Variants in CARD19 observed in about 807,000 individuals in gnomAD.
CARD19 encodes caspase recruitment domain-containing protein 19.
CARD19 carries 25 observed loss-of-function variants against 24.1 expected under a neutral mutation model. The ratio of observed to expected loss-of-function variants is 1.04; its 90% CI spans 0.76 to 1.45. The LOEUF (loss-of-function observed/expected upper bound fraction) is 1.45. Among genes scored for constraint, CARD19 ranks in the 40% most tolerant of loss-of-function variants. The pLI, the probability that CARD19 is intolerant of heterozygous loss-of-function variation, is 0.00. For missense variants in CARD19, 241 were observed against 247.4 expected (o/e 0.97, Z 0.17); for synonymous variants, 103 against 104.9 (o/e 0.98, Z 0.11).
At chr9:93,109,485 C>A (rs200767149) in intron 2 of CARD19, among the ~76,000 whole-genome samples, 3 of 106,028 alleles carry the variant, frequency 2.8e-5, no homozygotes, top group Admixed American at 9.6e-5. Flanking sequence ...TTTTTTTTTT[C>A]TTTGAGATGG....
chr9:93,100,872 G>T (rs943036658), intron 1 of CARD19, among the ~76,000 whole-genome samples: 1 of 152,108 alleles, frequency 6.6e-6, no homozygotes, highest in Non-Finnish European at 1.5e-5. Context: ...TTCAAGGTTC[G>T]TCCATGTTGT....
chr9:93,111,750 C>G lies in CARD19; in HGVS notation c.305-129C>G, dbSNP rs1827493753. 3 of 1,495,060 alleles carry G rather than the reference C, an allele frequency of 2.0e-6. No individual in the cohort carries two copies. The East Asian group carries it at 7.4e-5, about 37-fold the overall frequency. 92.6% of individuals were successfully genotyped at this position (1,495,060 alleles called of 1,614,324 possible). A position where few individuals can be genotyped will look rare whatever the true frequency, so the allele number is the denominator to read the frequency against. ...ATAGTTCCCTGAGGAGGGCTAGCCT[C>G]AGGTGCCACAGCCTGGTTCGGCCTG... On this transcript the variant is annotated intron_variant, in intron 3 of 5. Coordinates refer to ENST00000375464, the MANE Select transcript of CARD19 (RefSeq NM_032310.5).
chr9:93,106,153 T>G (rs930621141), intron 1 of CARD19, among the ~76,000 whole-genome samples: 2 of 152,168 alleles, frequency 1.3e-5, no homozygotes, highest in Non-Finnish European at 2.9e-5. Context: ...TGTTTACTAT[T>G]TGTATGGGTT....
intron 1 of CARD19, among the ~76,000 whole-genome samples, chr9:93,100,312 TG>T (rs1827030908): frequency 6.6e-6 from 1 of 152,196 alleles, no homozygotes; most frequent in Non-Finnish European, 1.5e-5. Context: ...TTTTTGTTTT[TG>T]TTTTTGGTTT....
intron 1 of CARD19, among the ~76,000 whole-genome samples, chr9:93,099,406 G>A (rs973921624): frequency 6.6e-6 from 1 of 152,212 alleles, no homozygotes; most frequent in Admixed American, 6.5e-5. Context: ...CAACATGGCT[G>A]TGCCTGGGCC....
chr9:93,111,645 A>G, intron 3 of CARD19: 1 of 1,377,858 alleles, frequency 7.3e-7, no homozygotes, highest in Non-Finnish European at 9.4e-7. Flanking sequence ...GCCCCACTGG[A>G]GGTAGAGCAC....
chr9:93,101,783 GT>G (rs1294261613), intron 1 of CARD19, among the ~76,000 whole-genome samples: 1 of 151,806 alleles, frequency 6.6e-6, no homozygotes, highest in Admixed American at 6.6e-5. Context: ...CTGCCATACT[GT>G]TTTTTTCCAC....
At position 93,096,619 on chromosome 9, in the gene CARD19, G is replaced by A. The variant is rs1336634853; in HGVS notation, c.7+267G>A. ...CCAGGTGCGGGGCCCGAAGAGGGCG[G>A]GGGCTACAAGGCAGCTCCAGGGTGG... On this transcript the variant is annotated intron_variant, in intron 1 of 5. Coordinates refer to ENST00000375464, the MANE Select transcript of CARD19 (RefSeq NM_032310.5). The surrounding 1 kb of genome is among the most constrained non-coding windows in gnomAD (Gnocchi z 5.4). 6.6e-6 allele frequency among the ~76,000 whole-genome samples: 1 copy of A among 152,238 alleles called. No homozygotes were observed. Among genetic ancestry groups the A allele is most frequent in the Non-Finnish European group, 1.5e-5 (1 of 68,042 alleles).
chr9:93,102,772 CATCGA>C (rs1257547363), intron 1 of CARD19, among the ~76,000 whole-genome samples: 3 of 151,846 alleles, frequency 2.0e-5, no homozygotes, highest in Non-Finnish European at 4.4e-5. Flanking sequence ...ATAGGGATTG[CATCGA>C]ATCTGTAGAT....
intron 1 of CARD19, among the ~76,000 whole-genome samples, chr9:93,105,408 G>C (rs1181885039): frequency 6.6e-6 from 1 of 152,102 alleles, no homozygotes; most frequent in Admixed American, 6.6e-5. Context: ...AGCCTCCCAG[G>C]TAGCTGGGAT....
chr9:93,110,678 T>C lies in CARD19; in HGVS notation c.261T>C (p.His87=). Residue 87 remains histidine, a synonymous_variant, in exon 3 of 6, where the codon CAT becomes CAC. Coordinates refer to ENST00000375464, the MANE Select transcript of CARD19 (RefSeq NM_032310.5). ...AGTTCTACCGAGCCCTGTATATCCA[T>C]GCCCAGCCCCTGCACAGCCGCCTGC... The part of the protein sequence containing the change: ...CQEFYRALYI[H]AQPLHSRLPS... 1.2e-6 allele frequency: 2 copies of C among 1,613,270 alleles called. No homozygotes were observed. Among genetic ancestry groups the C allele is most frequent in the Non-Finnish European group, 1.7e-6 (2 of 1,179,996 alleles).
intron 1 of CARD19, among the ~76,000 whole-genome samples, chr9:93,100,871 C>T (rs952973575): frequency 6.6e-6 from 1 of 152,184 alleles, no homozygotes; most frequent in South Asian, 2.1e-4. Flanking sequence ...TTTCAAGGTT[C>T]GTCCATGTTG....
At chr9:93,097,760 T>A (rs1429586683) in intron 1 of CARD19, among the ~76,000 whole-genome samples, 3 of 152,160 alleles carry the variant, frequency 2.0e-5, no homozygotes, top group Non-Finnish European at 4.4e-5. Flanking sequence ...CTTCCTTGCA[T>A]AAGGGGACCC....
chr9:93,105,906 G>A (rs986248797), intron 1 of CARD19, among the ~76,000 whole-genome samples: 1 of 152,206 alleles, frequency 6.6e-6, no homozygotes. Context: ...TGAAAGTGGT[G>A]TTTTGAAGTC....
intron 1 of CARD19, among the ~76,000 whole-genome samples, chr9:93,099,342 G>A (rs960400396): frequency 2.0e-5 from 3 of 152,200 alleles, no homozygotes; most frequent in African/African-American, 4.8e-5. Context: ...TGATTACAGT[G>A]AATTTCCATG....
rs1827410959 is a variant in CARD19, at chr9:93,110,221, T to C, written c.151-347T>C. The stretch of plus-strand genomic sequence containing the variant: ...CGTATTAGCCAGGATGGTCTCGATC[T>C]CCTGACCTCGTGATCTGCCTGCCTC... On this transcript the variant is annotated intron_variant, in intron 2 of 5. Transcript: ENST00000375464. The C allele has an allele frequency of 2.0e-5, 5 of 244,950 alleles. No homozygotes were observed. In the Admixed American group the frequency reaches 2.5e-4, roughly 12 times the overall value. The allele number at this position is 244,950 out of a possible 1,614,324, so 15.2% of individuals were successfully genotyped here. A position where few individuals can be genotyped will look rare whatever the true frequency, so the allele number is the denominator to read the frequency against.
rs1414909550 is a variant in CARD19, at chr9:93,101,017, G to A, written c.7+4665G>A. 3.3e-5 allele frequency among the ~76,000 whole-genome samples: 5 copies of A among 152,092 alleles called. No homozygotes were observed. In the East Asian group the frequency reaches 9.6e-4, roughly 29 times the overall value. ...ACTATTTCCATCTTTTGGCTATTTT[G>A]AATAGTGCTGCTATGAAAACCAGTG... is the stretch of plus-strand genomic sequence containing the variant. On this transcript the variant is annotated intron_variant, in intron 1 of 5. Transcript: ENST00000375464.
Position 93,113,155 on chromosome 9 carries a change from C to A in CARD19, c.*48C>A. On this transcript the variant is annotated 3_prime_UTR_variant, in exon 6 of 6. Transcript: ENST00000375464. ...ACCTGCCACTCAACCAAAGAGTCCT[C>A]GAGCCGGCCCGCCAAGGGGACTGCT... The A allele has an allele frequency of 1.6e-6, 2 of 1,227,292 alleles. No homozygotes were observed. Among genetic ancestry groups the A allele is most frequent in the South Asian group, 1.4e-5 (1 of 70,798 alleles). 76.0% of individuals were successfully genotyped at this position (1,227,292 alleles called of 1,614,324 possible).
chr9:93,101,372 C>G (rs144692892), intron 1 of CARD19, among the ~76,000 whole-genome samples: 1 of 152,162 alleles, frequency 6.6e-6, no homozygotes, highest in East Asian at 1.9e-4. Context: ...AGCCACCACC[C>G]TCGACTGAGT....
Sources: allele counts gnomAD v4.1 joint callset (sites outside exome capture counted in the v4.1 genomes callset), GRCh38; gene constraint gnomAD v4.1.1; non-coding constraint Gnocchi (gnomAD v3.1); transcripts MANE v1.5; gene names NCBI Gene and HGNC (gene_info 2026-07-23, HGNC 2026-07-21).